SORBS2: variants seen among roughly 807,000 people sequenced by gnomAD.
SORBS2 encodes sorbin and SH3 domain containing 2.
In SORBS2, 46 loss-of-function variants were observed where a neutral mutation model predicts 97.7. That is an observed-to-expected ratio of 0.47 (90% CI 0.37 to 0.60). SORBS2 has a LOEUF of 0.60. SORBS2 is among the 20% of genes least tolerant of loss of function. SORBS2 has a pLI of 0.00. For synonymous variants in SORBS2, 476 were observed against 473.4 expected, an observed-to-expected ratio of 1.01 and a Z score of -0.07; for missense variants, 1,316 against 1,282.3, an observed-to-expected ratio of 1.03 and a Z score of -0.40.
chr4:185,691,040 C>T (rs2098083843), intron 2 of SORBS2, among the ~76,000 whole-genome samples: 1 of 152,108 alleles, frequency 6.6e-6, no homozygotes, highest in African/African-American at 2.4e-5. Context: ...GCTGGGATTA[C>T]AGGCACATGC....
chr4:185,687,028 C>G (rs1017817917), intron 2 of SORBS2, among the ~76,000 whole-genome samples: 10 of 152,080 alleles, frequency 6.6e-5, no homozygotes, highest in Non-Finnish European at 1.3e-4. Context: ...AAAGCAAGTA[C>G]CATCTGAAGA....
chr4:185,592,579 A>T (rs1343667162), intron 13 of SORBS2, among the ~76,000 whole-genome samples: 1 of 152,162 alleles, frequency 6.6e-6, no homozygotes, highest in Non-Finnish European at 1.5e-5. Flanking sequence ...TGTTTGAGAC[A>T]GGGTCTTGCT....
At chr4:185,633,100 CTCTT>C (rs1457806298) in intron 4 of SORBS2, among the ~76,000 whole-genome samples, 2 of 152,154 alleles carry the variant, frequency 1.3e-5, no homozygotes, top group African/African-American at 4.8e-5. Flanking sequence ...TACTGAATCA[CTCTT>C]TCTGTTAAGT....
chr4:185,704,697 C>G (rs1190604707), intron 2 of SORBS2, among the ~76,000 whole-genome samples: 1 of 152,182 alleles, frequency 6.6e-6, no homozygotes, highest in Non-Finnish European at 1.5e-5. Flanking sequence ...GATGTTCCCT[C>G]TCCCTCAACT....
At chr4:185,660,253 G>A (rs137914924), upstream of SORBS2, among the ~76,000 whole-genome samples, 1 of 152,148 alleles carries the variant, frequency 6.6e-6, no homozygotes, top group African/African-American at 2.4e-5. Flanking sequence ...ACTAAGACAG[G>A]CAATGAGACA....
chr4:185,622,978 A>G (rs1012474718), exon 7 of SORBS2: 2 of 1,614,006 alleles, frequency 1.2e-6, no homozygotes, highest in African/African-American at 1.3e-5. Flanking sequence ...CGTCTTGGAA[A>G]GAGGCACTGC....
At chr4:185,717,204 C>T (rs748849175) in intron 2 of SORBS2, among the ~76,000 whole-genome samples, 6 of 152,338 alleles carry the variant, frequency 3.9e-5, no homozygotes, top group African/African-American at 9.6e-5. Context: ...AGTGATTCCC[C>T]GGGAGCGACC....
chr4:185,873,566 C>T (rs1482390167), intron 1 of SORBS2, among the ~76,000 whole-genome samples: 1 of 152,156 alleles, frequency 6.6e-6, no homozygotes, highest in African/African-American at 2.4e-5. Flanking sequence ...AAATGCATAT[C>T]TATTTTTCTT....
At chr4:185,813,309 A>C (rs112472984) in intron 1 of SORBS2, among the ~76,000 whole-genome samples, 129 of 152,252 alleles carry the variant, frequency 8.5e-4, no homozygotes, top group African/African-American at 2.9e-3. Flanking sequence ...ATTAATTCCC[A>C]AATTTTGACT....
rs144963624 is a variant in SORBS2, at chr4:185,883,805, G to T, written c.-338+72391C>A. Among the ~76,000 whole-genome samples, 568 of 152,312 alleles carry T rather than the reference G, an allele frequency of 3.7e-3. 2 individuals are homozygous for T. The highest frequency in any genetic ancestry group is 5.9e-3 in the Non-Finnish European group (398 of 68,032). On this transcript the variant is annotated intron_variant, in intron 1 of 20. Coordinates refer to the SORBS2 transcript ENST00000284776. Reference sequence around the variant, plus strand: ...CAAGGCTGCAGTGAGCTATGATCATGCCACTGTATGCCAGCCTGGATGACA... The same window carrying T: ...CAAGGCTGCAGTGAGCTATGATCATTCCACTGTATGCCAGCCTGGATGACA...
At chr4:185,949,390 A>G (rs984933588) in intron 1 of SORBS2, among the ~76,000 whole-genome samples, 1 of 152,194 alleles carries the variant, frequency 6.6e-6, no homozygotes, top group Admixed American at 6.5e-5. Context: ...TAGATACCTG[A>G]CATTCATTAT....
chr4:185,699,493 G>A (rs186957263), intron 2 of SORBS2, among the ~76,000 whole-genome samples: 44 of 152,074 alleles, frequency 2.9e-4, no homozygotes, highest in Non-Finnish European at 1.5e-5. Context: ...CACCATGTTG[G>A]CCACACTGGT....
At chr4:185,865,047 C>T (rs1241174573) in intron 1 of SORBS2, among the ~76,000 whole-genome samples, 1 of 152,268 alleles carries the variant, frequency 6.6e-6, no homozygotes, top group Non-Finnish European at 1.5e-5. Context: ...CCTGCCCCGC[C>T]TGGTCCATAT....
In SORBS2 at chr4:185,677,755, C is replaced by A. The variant is rs76789662; in HGVS notation, c.-46+668G>T. 32 of 617,440 alleles carry A rather than the reference C, an allele frequency of 5.2e-5. No homozygotes were observed. The East Asian group carries it at 9.6e-4, about 18-fold the overall frequency. The allele number at this position is 617,440 out of a possible 1,614,324, so 38.2% of individuals were successfully genotyped here. Reference sequence around the variant, plus strand: ...TTGCCTTTACAGAAGTAAAGCAATGCCACACCTTCTGATTATGCTATCCAT... The same window carrying A: ...TTGCCTTTACAGAAGTAAAGCAATGACACACCTTCTGATTATGCTATCCAT... On this transcript the variant is annotated intron_variant, in intron 4 of 20. Transcript: ENST00000284776.
rs140939747 is a variant in SORBS2, at chr4:185,604,422, A to T, written c.2796+7358T>A. 4.1e-4 allele frequency among the ~76,000 whole-genome samples: 63 copies of T among 152,302 alleles called. 3 individuals are homozygous for T. In the East Asian group the frequency reaches 0.012, roughly 29 times the overall value. ...GAGGTGAGCAGGGCTGAGAAAGTGTAGAGTCCAGGTCAGAAACAGAGGCGA... is the reference window on the plus strand; with the variant it reads ...GAGGTGAGCAGGGCTGAGAAAGTGTTGAGTCCAGGTCAGAAACAGAGGCGA... On this transcript the variant is annotated intron_variant, in intron 12 of 14. Transcript: ENST00000418609.
At chr4:185,613,654 A>AG (rs1200041958) in intron 11 of SORBS2, among the ~76,000 whole-genome samples, 1 of 151,184 alleles carries the variant, frequency 6.6e-6, no homozygotes, top group Non-Finnish European at 1.5e-5. Flanking sequence ...CTCAAAAAAA[A>AG]AAAAAAAAAA....
chr4:185,846,160 C>T (rs993810385), intron 1 of SORBS2, among the ~76,000 whole-genome samples: 4 of 152,194 alleles, frequency 2.6e-5, no homozygotes, highest in Non-Finnish European at 2.9e-5. Context: ...ATGTCCATCA[C>T]CTGGAGAGTG....
At chr4:185,721,081 A>ATCCTTTTT (rs2098509383) in intron 2 of SORBS2, among the ~76,000 whole-genome samples, 1 of 69,598 alleles carries the variant, frequency 1.4e-5, no homozygotes, top group African/African-American at 5.9e-5. Context: ...TTTCCCACCT[A>ATCCTTTTT]TTCTTTTTTT....
At chr4:185,794,793 T>A (rs1302463952) in intron 1 of SORBS2, among the ~76,000 whole-genome samples, 1 of 151,752 alleles carries the variant, frequency 6.6e-6, no homozygotes, top group African/African-American at 2.4e-5. Flanking sequence ...TGACTGAGGG[T>A]CAGGGTGATG....
Sources: allele counts gnomAD v4.1 joint callset (sites outside exome capture counted in the v4.1 genomes callset), GRCh38; gene constraint gnomAD v4.1.1; transcripts MANE v1.5; gene names NCBI Gene and HGNC (gene_info 2026-07-23, HGNC 2026-07-21).